AK8: variants seen among roughly 807,000 people sequenced by gnomAD.
AK8 encodes ATP-AMP transphosphorylase 8.
A neutral mutation model predicts 54.6 loss-of-function variants in AK8; 44 were observed. The ratio of observed to expected loss-of-function variants is 0.81; its 90% CI spans 0.63 to 1.04. The LOEUF (loss-of-function observed/expected upper bound fraction) is 1.04. Among genes scored for constraint, AK8 ranks in the 50% least tolerant of loss-of-function variants. The pLI, the probability that AK8 is intolerant of heterozygous loss-of-function variation, is 0.00. For missense variants in AK8, 555 were observed against 613.6 expected, an observed-to-expected ratio of 0.90 and a Z score of 1.01; for synonymous variants, 239 against 245.6, an observed-to-expected ratio of 0.97 and a Z score of 0.25.
At chr9:132,836,471 T>C (rs1438737216) in intron 5 of AK8, among the ~76,000 whole-genome samples, 6 of 152,160 alleles carry the variant, frequency 3.9e-5, no homozygotes, top group Non-Finnish European at 8.8e-5. Context: ...AAAAGGCAAA[T>C]CTCTGGGAAA....
At chr9:132,835,622 G>A (rs1231187889) in intron 5 of AK8, among the ~76,000 whole-genome samples, 1 of 152,156 alleles carries the variant, frequency 6.6e-6, no homozygotes, top group African/African-American at 2.4e-5. Flanking sequence ...ATCCCCTCTG[G>A]CCTCATTCTC....
chr9:132,867,050 TTTCA>T (rs1476487619), intron 2 of AK8, 97 bp from the exon 3 acceptor site: 1 of 1,207,514 alleles, frequency 8.3e-7, no homozygotes, highest in African/African-American at 1.5e-5. Context: ...CCTCCCTAGA[TTTCA>T]TTTTCTGCCA....
At chr9:132,843,959 A>G (rs760676374) in intron 5 of AK8, among the ~76,000 whole-genome samples, 1 of 152,232 alleles carries the variant, frequency 6.6e-6, no homozygotes, top group Non-Finnish European at 1.5e-5. Context: ...GAGATGGATC[A>G]GGTTCCAAAT....
intron 8 of AK8, among the ~76,000 whole-genome samples, chr9:132,824,482 T>G (rs1020929874): frequency 1.3e-5 from 2 of 152,184 alleles, no homozygotes; most frequent in African/African-American, 4.8e-5. Flanking sequence ...GGCAGGTTCC[T>G]CATCCTCAGC....
intron 4 of AK8, among the ~76,000 whole-genome samples, chr9:132,855,173 C>T (rs1417941459): frequency 6.6e-6 from 1 of 152,192 alleles, no homozygotes; most frequent in Non-Finnish European, 1.5e-5. Flanking sequence ...CCTCGCCCAC[C>T]TCCACCTGAA....
At chr9:132,850,349 C>T (rs1842924957) in intron 5 of AK8, among the ~76,000 whole-genome samples, 1 of 150,940 alleles carries the variant, frequency 6.6e-6, no homozygotes, top group South Asian at 2.1e-4. Flanking sequence ...GCCTCAGCCT[C>T]CCAAAGTGCT....
chr9:132,804,295 T>C (rs1218296592), intron 10 of AK8, among the ~76,000 whole-genome samples: 4 of 151,998 alleles, frequency 2.6e-5, no homozygotes, highest in African/African-American at 9.7e-5. Context: ...GCTCCTACCA[T>C]GAGCCCTGCG....
intron 5 of AK8, among the ~76,000 whole-genome samples, chr9:132,851,039 C>T (rs1001874952): frequency 7.2e-5 from 11 of 152,182 alleles, no homozygotes; most frequent in African/African-American, 2.7e-4. Flanking sequence ...AGAAAGTTAC[C>T]CAGTAGTAGG....
chr9:132,832,691 G>T (rs554508334), intron 5 of AK8, among the ~76,000 whole-genome samples: 2 of 152,262 alleles, frequency 1.3e-5, no homozygotes, highest in Admixed American at 1.3e-4. Context: ...CCATAAATTT[G>T]CAGCAGATAT....
intron 11 of AK8, among the ~76,000 whole-genome samples, chr9:132,778,116 G>A (rs1839306127): frequency 6.6e-6 from 1 of 152,294 alleles, no homozygotes; most frequent in Middle Eastern, 3.4e-3. Context: ...GCGGAGGCTC[G>A]CAGCAAACCC....
At chr9:132,816,597 G>C (rs1841339609) in intron 9 of AK8, among the ~76,000 whole-genome samples, 2 of 152,152 alleles carry the variant, frequency 1.3e-5, no homozygotes, top group African/African-American at 4.8e-5. Context: ...CCCATGCTTA[G>C]CTTCCAGTTC....
intron 11 of AK8, among the ~76,000 whole-genome samples, chr9:132,775,442 A>G (rs1204442375): frequency 2.0e-5 from 3 of 152,106 alleles, no homozygotes; most frequent in Admixed American, 6.5e-5. Flanking sequence ...AGCTGGAATT[A>G]CAGGCGTGCA....
At chr9:132,854,658 G>A (rs539662205) in intron 5 of AK8, among the ~76,000 whole-genome samples, 199 bp downstream of exon 5, 4 of 152,312 alleles carry the variant, frequency 2.6e-5, no homozygotes, top group South Asian at 2.1e-4. Flanking sequence ...AACCCTGACC[G>A]ATACAACGAA....
chr9:132,823,759 G>C (rs915811475), intron 8 of AK8, among the ~76,000 whole-genome samples: 9 of 152,346 alleles, frequency 5.9e-5, no homozygotes, highest in African/African-American at 1.9e-4. Flanking sequence ...GAACTAGGCT[G>C]GTCTCCTAGA....
At chr9:132,727,353 A>C in intron 12 of AK8, 101 bp downstream of exon 12, 1 of 1,076,768 alleles carries the variant, frequency 9.3e-7, no homozygotes. Context: ...AGTGGTCACC[A>C]GTGTTATCCC....
At chr9:132,864,244 G>T (rs1343751877) in intron 3 of AK8, among the ~76,000 whole-genome samples, 6 of 152,164 alleles carry the variant, frequency 3.9e-5, no homozygotes, top group Admixed American at 3.9e-4. Context: ...TAGTCTATAA[G>T]GGAAGAGTAA....
chr9:132,878,954 G>A (rs374736321), upstream of AK8: 55 of 183,072 alleles, frequency 3.0e-4, 2 homozygotes, highest in South Asian at 0.011. This position sits in a 1 kb window ranked among gnomAD's most constrained non-coding sequence, Gnocchi z 4.7. Flanking sequence ...CGACACTCAC[G>A]GAGTCACTCC....
chr9:132,817,389 C>T (rs1010848478), intron 9 of AK8, among the ~76,000 whole-genome samples: 6 of 152,178 alleles, frequency 3.9e-5, no homozygotes, highest in Non-Finnish European at 7.3e-5. Context: ...GGAGAGAAAA[C>T]AGGCCAGAGA....
intron 11 of AK8, among the ~76,000 whole-genome samples, chr9:132,751,153 G>A: frequency 6.6e-6 from 1 of 151,842 alleles, no homozygotes; most frequent in East Asian, 1.9e-4. Flanking sequence ...AGAGGCCAAG[G>A]CAGGCCGATC....
Sources: allele counts gnomAD v4.1 joint callset (sites outside exome capture counted in the v4.1 genomes callset), GRCh38; gene constraint gnomAD v4.1.1; non-coding constraint Gnocchi (gnomAD v3.1); transcripts MANE v1.5; gene names NCBI Gene and HGNC (gene_info 2026-07-23, HGNC 2026-07-21).